CENPP: variants seen among roughly 807,000 people sequenced by gnomAD.
CENPP encodes the protein centromere protein P.
CENPP carries 24 observed loss-of-function variants against 35.6 expected under a neutral mutation model. The observed-to-expected ratio is 0.67, with a 90% CI of 0.49 to 0.95. CENPP has a LOEUF of 0.95. CENPP is among the 40% of genes least tolerant of loss of function. The pLI, the probability that CENPP is intolerant of heterozygous loss-of-function variation, is 0.00. For synonymous variants in CENPP, 120 were observed against 125.5 expected (o/e 0.96, Z 0.29); for missense variants, 332 against 345.3 (o/e 0.96, Z 0.31).
chr9:92,410,922 T>C (rs551425024), intron 5 of CENPP, among the ~76,000 whole-genome samples: 16 of 152,340 alleles, frequency 1.1e-4, no homozygotes, highest in Non-Finnish European at 1.8e-4. Flanking sequence ...CAAAGTCACC[T>C]AGCTTAAAAG....
At chr9:92,364,313 G>A (rs1190169271) in intron 4 of CENPP, among the ~76,000 whole-genome samples, 8 of 152,110 alleles carry the variant, frequency 5.3e-5, no homozygotes, top group Admixed American at 5.2e-4. Context: ...GATTACAGAT[G>A]TGAGCCACTG....
intron 5 of CENPP, among the ~76,000 whole-genome samples, chr9:92,437,847 C>G (rs1844285755): frequency 6.6e-6 from 1 of 151,956 alleles, no homozygotes; most frequent in Admixed American, 6.6e-5. Context: ...GCAACTTTAA[C>G]CTTCCAGGCT....
intron 5 of CENPP, among the ~76,000 whole-genome samples, chr9:92,448,988 T>G (rs1368525133): frequency 6.6e-6 from 1 of 152,216 alleles, no homozygotes. Flanking sequence ...TTTACTGTCA[T>G]AATATTCTCA....
At chr9:92,367,852 G>A (rs1841923964) in intron 4 of CENPP, among the ~76,000 whole-genome samples, 2 of 152,156 alleles carry the variant, frequency 1.3e-5, no homozygotes, top group Non-Finnish European at 2.9e-5. Flanking sequence ...CTGACCTCAG[G>A]CGATTCACCC....
Position 92,352,510 on chromosome 9 carries a change from C to CATATATATATATATATATATATAT in CENPP, c.467+6729_467+6752dup, listed in dbSNP as rs67070835. On this transcript the variant is annotated intron_variant, in intron 4 of 7. Coordinates refer to ENST00000375587, the MANE Select transcript of CENPP (RefSeq NM_001012267.3). Reference sequence around the variant, plus strand: ...GTGTGTGTGTGTGTGTGTGTGTATACATATATATATATATATATATATATA... The same window carrying CATATATATATATATATATATATAT: ...GTGTGTGTGTGTGTGTGTGTGTATACATATATATATATATATATATATATATATATATATATATATATATATATA... 4.2e-3 allele frequency among the ~76,000 whole-genome samples: 211 copies of CATATATATATATATATATATATAT among 50,334 alleles called. 12 individuals are homozygous for CATATATATATATATATATATATAT. The highest frequency in any genetic ancestry group is 6.2e-3 in the African/African-American group (39 of 6,326). The allele number at this position is 50,334 out of a possible 152,430, so 33.0% of individuals were successfully genotyped here.
At chr9:92,490,393 C>A (rs1376677134) in intron 5 of CENPP, among the ~76,000 whole-genome samples, 1 of 152,172 alleles carries the variant, frequency 6.6e-6, no homozygotes, top group Admixed American at 6.5e-5. Flanking sequence ...GCAGAAACTT[C>A]TTTTCATGGG....
intron 5 of CENPP, chr9:92,416,528 T>A: frequency 1.3e-6 from 1 of 798,716 alleles, no homozygotes; most frequent in Non-Finnish European, 1.9e-6. Flanking sequence ...TTTTCAGCAA[T>A]GTCTAAAGCA....
chr9:92,373,680 G>T (rs1201584247), intron 4 of CENPP, among the ~76,000 whole-genome samples: 3 of 152,038 alleles, frequency 2.0e-5, no homozygotes, highest in Non-Finnish European at 4.4e-5. Context: ...ACAAAATTTA[G>T]CTGGGCGTGG....
At chr9:92,515,726 A>G (rs1394950921) in intron 5 of CENPP, among the ~76,000 whole-genome samples, 2 of 152,220 alleles carry the variant, frequency 1.3e-5, no homozygotes, top group Non-Finnish European at 2.9e-5. Context: ...ATTTTTGTCC[A>G]TGGCATCATA....
intron 5 of CENPP, among the ~76,000 whole-genome samples, chr9:92,457,967 A>G (rs1844947344): frequency 6.6e-6 from 1 of 152,214 alleles, no homozygotes; most frequent in African/African-American, 2.4e-5. Context: ...TGCTCTAAGA[A>G]TTAGGCTCAC....
intron 5 of CENPP, chr9:92,515,333 G>T: frequency 1.6e-6 from 2 of 1,215,804 alleles, no homozygotes; most frequent in Non-Finnish European, 2.1e-6. Context: ...AAGATGAAAT[G>T]CACCTTGAAA....
At chr9:92,551,923 G>GTA (rs1169591998) in intron 5 of CENPP, among the ~76,000 whole-genome samples, 3 of 59,144 alleles carry the variant, frequency 5.1e-5, no homozygotes, top group Non-Finnish European at 9.6e-5. Flanking sequence ...TATGGTGTGT[G>GTA]TGTATATATA....
At chr9:92,532,136 C>T (rs1248425836) in intron 5 of CENPP, among the ~76,000 whole-genome samples, 1 of 149,574 alleles carries the variant, frequency 6.7e-6, no homozygotes, top group African/African-American at 2.5e-5. Flanking sequence ...GCTGGGACTA[C>T]AGGCACGAAC....
chr9:92,594,135 C>T (rs1371361590), intron 5 of CENPP, among the ~76,000 whole-genome samples: 2 of 152,182 alleles, frequency 1.3e-5, no homozygotes, highest in Non-Finnish European at 2.9e-5. Context: ...ATTGTCTTTG[C>T]AATTTTCCTG....
intron 5 of CENPP, among the ~76,000 whole-genome samples, chr9:92,546,364 T>C (rs1341222988): frequency 6.6e-6 from 1 of 152,166 alleles, no homozygotes; most frequent in Non-Finnish European, 1.5e-5. Context: ...CTTTGTTCTT[T>C]TGCTCTTTGC....
At chr9:92,339,886 T>A (rs573751867) in intron 3 of CENPP, 1 of 153,896 alleles carries the variant, frequency 6.5e-6, no homozygotes, top group South Asian at 2.1e-4. Context: ...GGTTTCATAG[T>A]CTGACTGACT....
chr9:92,603,841 C>T (rs888160383), intron 5 of CENPP, among the ~76,000 whole-genome samples: 1 of 152,136 alleles, frequency 6.6e-6, no homozygotes, highest in African/African-American at 2.4e-5. Flanking sequence ...ATGCAGCAAT[C>T]AGTGTGATCC....
intron 4 of CENPP, among the ~76,000 whole-genome samples, chr9:92,367,437 G>C (rs1050764941): frequency 6.6e-6 from 1 of 152,086 alleles, no homozygotes; most frequent in East Asian, 1.9e-4. Context: ...AGAGTTCTGG[G>C]ATTACAGGCG....
chr9:92,489,251 A>G (rs1206133183), intron 5 of CENPP, among the ~76,000 whole-genome samples: 1 of 152,220 alleles, frequency 6.6e-6, no homozygotes, highest in Non-Finnish European at 1.5e-5. Flanking sequence ...TTTCCTCTGA[A>G]AACCTTTTAC....
Sources: allele counts gnomAD v4.1 joint callset (sites outside exome capture counted in the v4.1 genomes callset), GRCh38; gene constraint gnomAD v4.1.1; transcripts MANE v1.5; gene names NCBI Gene and HGNC (gene_info 2026-07-23, HGNC 2026-07-21).